SCN10A: variants seen among roughly 807,000 people sequenced by gnomAD.
SCN10A encodes the protein sodium channel protein type 10 subunit alpha.
Under a neutral mutation model 170.7 loss-of-function variants are expected in SCN10A, and 162 were observed. That is an observed-to-expected ratio of 0.95 (90% CI 0.84 to 1.08). The LOEUF is 1.08. Among genes scored for constraint, SCN10A ranks in the 50% least tolerant of loss-of-function variants. The pLI is 0.00. For missense variants in SCN10A, 2,527 were observed against 2,436.9 expected, an observed-to-expected ratio of 1.04 and a Z score of -0.78; for synonymous variants, 985 against 904.6, an observed-to-expected ratio of 1.09 and a Z score of -1.59.
At chr3:38,736,142 C>G (rs1057036279) in intron 15 of SCN10A, among the ~76,000 whole-genome samples, 1 of 152,084 alleles carries the variant, frequency 6.6e-6, no homozygotes, top group Non-Finnish European at 1.5e-5. Flanking sequence ...GGCCCAAAGC[C>G]AAGAAGTTCT....
intron 21 of SCN10A, among the ~76,000 whole-genome samples, chr3:38,716,442 C>T (rs1014688630): frequency 3.9e-5 from 6 of 152,094 alleles, no homozygotes; most frequent in African/African-American, 1.4e-4. Flanking sequence ...CTCTCTTTGC[C>T]TGCTGCCATC....
At position 38,712,360 on chromosome 3, in the gene SCN10A, A is replaced by T; in HGVS notation, c.3890T>A (p.Ile1297Asn). 1.2e-6 allele frequency: 2 copies of T among 1,614,230 alleles called. No homozygotes were observed. Among genetic ancestry groups the T allele is most frequent in the Non-Finnish European group, 1.7e-6 (2 of 1,180,030 alleles). The change falls in exon 23 of 28, where the codon ATC (isoleucine) becomes AAC (asparagine). Residue 1297 changes from isoleucine to asparagine, a missense_variant. By Grantham distance (149) the Ile-to-Asn change is moderately radical. Coordinates refer to ENST00000449082, the MANE Select transcript of SCN10A (RefSeq NM_006514.4). ...VCLIFWLIFS[I>N]MGVNLFAGKF... ...CCCTGCGAAGAGGTTCACACCCATG[A>T]TGCTGAAGATGAGCCAGAAGATGAG...
chr3:38,717,188 G>A (rs2063342287), intron 21 of SCN10A, among the ~76,000 whole-genome samples: 1 of 152,200 alleles, frequency 6.6e-6, no homozygotes, highest in African/African-American at 2.4e-5. Context: ...AATGGGAATG[G>A]ATGGATGGAA....
intron 2 of SCN10A, 23 bp downstream of exon 2, chr3:38,793,718 A>C: frequency 6.2e-7 from 1 of 1,602,368 alleles, no homozygotes; most frequent in East Asian, 2.2e-5. Context: ...CTGAGAGCAG[A>C]CATTCCTACT....
In SCN10A at chr3:38,698,060, C is replaced by T. The variant is rs1412305153; in HGVS notation, c.5160G>A (p.Val1720=). The change falls in exon 28 of 28, where the codon GTG becomes GTA. Residue 1720 remains valine, a synonymous_variant. Coordinates refer to ENST00000449082, the MANE Select transcript of SCN10A (RefSeq NM_006514.4). ...TGGCCACATTGAAGTTCTCCAGAATCACTGCAATGTACATGTTGACCATGA... is the reference window on the plus strand; with the variant it reads ...TGGCCACATTGAAGTTCTCCAGAATTACTGCAATGTACATGTTGACCATGA... ...FLIMVNMYIA[V]ILENFNVATE... 1 of 1,614,144 alleles carries T rather than the reference C, an allele frequency of 6.2e-7. No homozygotes were observed. Among genetic ancestry groups the T allele is most frequent in the Non-Finnish European group, 8.5e-7 (1 of 1,180,040 alleles).
At chr3:38,778,166 T>C (rs1051116701) in intron 4 of SCN10A, among the ~76,000 whole-genome samples, 18 of 152,064 alleles carry the variant, frequency 1.2e-4, no homozygotes, top group Admixed American at 1.2e-3. Context: ...ACTTCCCCGT[T>C]TGCAGTAGAT....
chr3:38,771,307 A>G lies in SCN10A; in HGVS notation c.571T>C (p.Trp191Arg). ...EFTYLRDPWN[W>R]LDFSVITLAY... ...AGGGTAATGACGCTAAAATCCAGCC[A>G]GTTCCAAGGATCTCTCAGGTACGTG... The change falls in exon 5 of 28, where the codon TGG (tryptophan) becomes CGG (arginine). Residue 191 changes from tryptophan (W) to arginine (R), a missense_variant. Trp to Arg is a moderately radical substitution (Grantham distance 101). Transcript: ENST00000449082. 6.2e-7 allele frequency: 1 copy of G among 1,614,164 alleles called. No homozygotes were observed. Among genetic ancestry groups the G allele is most frequent in the Non-Finnish European group, 8.5e-7 (1 of 1,180,002 alleles).
chr3:38,746,075 A>ATATATATG (rs1553619573), intron 13 of SCN10A, among the ~76,000 whole-genome samples: 1 of 83,612 alleles, frequency 1.2e-5, no homozygotes, highest in Non-Finnish European at 2.7e-5. Flanking sequence ...ATATATATAT[A>ATATATATG]TATATATATA....
chr3:38,812,471 G>A (rs9871453), intron 1 of SCN10A, among the ~76,000 whole-genome samples: 71,772 of 151,726 alleles, frequency 0.47, 18,660 homozygotes, highest in African/African-American at 0.7. Context: ...GAATACATAC[G>A]CAAAGTACAC....
rs138532656 is a variant in SCN10A, at chr3:38,697,964, G to T, written c.5256C>A (p.Asp1752Glu). Reference sequence around the variant, plus strand: ...AGGTAATAAACTGAGTGGCCTCTGGGTCAAACTTCTCCCAGGTCTCATAGA... The same window carrying T: ...AGGTAATAAACTGAGTGGCCTCTGGTTCAAACTTCTCCCAGGTCTCATAGA... Reference protein sequence around the residue: ...DMFYETWEKFDPEATQFITFS... With the variant: ...DMFYETWEKFEPEATQFITFS... Residue 1752 changes from aspartate to glutamate, a missense_variant, in exon 28 of 28, where the codon GAC becomes GAA. Physicochemically the swap from Asp to Glu is conservative, Grantham distance 45. Coordinates refer to ENST00000449082, the MANE Select transcript of SCN10A (RefSeq NM_006514.4). 3.7e-6 allele frequency: 6 copies of T among 1,614,106 alleles called. No homozygotes were observed. Among genetic ancestry groups the T allele is most frequent in the Admixed American group, 1.7e-5 (1 of 60,008 alleles).
At chr3:38,787,015 T>G (rs566676845) in intron 4 of SCN10A, among the ~76,000 whole-genome samples, 2 of 152,168 alleles carry the variant, frequency 1.3e-5, no homozygotes, top group Non-Finnish European at 2.9e-5. Context: ...AAATTTCATG[T>G]AAACTTTTGA....
At chr3:38,720,507 G>T (rs1354842876) in intron 20 of SCN10A, among the ~76,000 whole-genome samples, 1 of 151,692 alleles carries the variant, frequency 6.6e-6, no homozygotes, top group Non-Finnish European at 1.5e-5. Context: ...TATTTTTTTG[G>T]TACTTTACTT....
intron 23 of SCN10A, 108 bp from the exon 24 acceptor site, chr3:38,711,005 G>T: frequency 1.1e-6 from 1 of 875,090 alleles, no homozygotes; most frequent in East Asian, 2.6e-5. Flanking sequence ...GTGTTGGAAA[G>T]GGCTTGTGCA....
At chr3:38,764,477 C>T (rs895604406) in intron 5 of SCN10A, among the ~76,000 whole-genome samples, 2 of 152,126 alleles carry the variant, frequency 1.3e-5, no homozygotes, top group African/African-American at 2.4e-5. Flanking sequence ...GCTTGACTTT[C>T]TATTCCTGAG....
chr3:38,712,831 G>A (rs1298338968), intron 22 of SCN10A, among the ~76,000 whole-genome samples: 1 of 152,172 alleles, frequency 6.6e-6, no homozygotes, highest in Non-Finnish European at 1.5e-5. Context: ...TTTAAAGTAT[G>A]CCGTGGTCAA....
rs542108994 is a variant in SCN10A, at chr3:38,718,623, A to C, written c.3681+30T>G. On this transcript the variant is annotated intron_variant, in intron 21 of 27. Coordinates refer to ENST00000449082, the MANE Select transcript of SCN10A (RefSeq NM_006514.4). ...CCAGGAGTCAGAGGGGAGGACCCCA[A>C]ACCCCACGTGTTCCCACTGAGCCAC... The C allele has an allele frequency of 1.0e-4, 161 of 1,612,058 alleles. 2 individuals carry two copies. In the South Asian group the frequency reaches 1.7e-3, roughly 17 times the overall value.
chr3:38,811,435 AGAGT>A (rs1559474086), intron 1 of SCN10A, among the ~76,000 whole-genome samples: 1 of 144,660 alleles, frequency 6.9e-6, no homozygotes, highest in Admixed American at 6.8e-5. Context: ...CCTGGGCAAC[AGAGT>A]GAGACTCCAT....
chr3:38,721,174 T>C (rs1393424295), intron 20 of SCN10A, among the ~76,000 whole-genome samples: 3 of 152,246 alleles, frequency 2.0e-5, no homozygotes, highest in Non-Finnish European at 4.4e-5. Flanking sequence ...TTTGTCACCC[T>C]TCCTGGACAA....
At chr3:38,719,633 TC>T (rs2063369108) in intron 20 of SCN10A, among the ~76,000 whole-genome samples, 1 of 152,034 alleles carries the variant, frequency 6.6e-6, no homozygotes, top group Admixed American at 6.6e-5. Context: ...GACCTCATGA[TC>T]CGCCCGCCTC....
Sources: allele counts gnomAD v4.1 joint callset (sites outside exome capture counted in the v4.1 genomes callset), GRCh38; gene constraint gnomAD v4.1.1; transcripts MANE v1.5; gene names NCBI Gene and HGNC (gene_info 2026-07-23, HGNC 2026-07-21).